The following RBFOX1 variants were observed in gnomAD, a reference collection of about 807,000 sequenced individuals.
RBFOX1 encodes RNA binding protein fox-1 homolog 1.
In RBFOX1, 8 loss-of-function variants were observed where a neutral mutation model predicts 57.7. The ratio of observed to expected loss-of-function variants is 0.14; its 90% CI spans 0.08 to 0.25. The LOEUF (loss-of-function observed/expected upper bound fraction) is 0.25, where lower values mean the gene tolerates loss of function less well. Among genes scored for constraint, RBFOX1 ranks in the 10% least tolerant of loss-of-function variants. The probability of loss-of-function intolerance (pLI) is 1.00; values close to 1 mark genes in which losing one functional copy is unlikely to be tolerated. For missense variants in RBFOX1, 611 were observed against 548.5 expected, an observed-to-expected ratio of 1.11 and a Z score of -1.14; for synonymous variants, 326 against 222.4, an observed-to-expected ratio of 1.47 and a Z score of -4.15.
At chr16:6,134,031 G>T (rs2096648455) in intron 1 of RBFOX1, among the ~76,000 whole-genome samples, 1 of 151,792 alleles carries the variant, frequency 6.6e-6, no homozygotes, top group Non-Finnish European at 1.5e-5. Flanking sequence ...CTGCCTCCTG[G>T]GTTCAAGTGA....
chr16:6,654,119 G>T (rs2098627938), intron 2 of RBFOX1, among the ~76,000 whole-genome samples: 1 of 151,888 alleles, frequency 6.6e-6, no homozygotes, highest in African/African-American at 2.4e-5. Flanking sequence ...TGGATGGATG[G>T]ATGGGTAGAG....
intron 1 of RBFOX1, among the ~76,000 whole-genome samples, chr16:6,085,344 C>T (rs2096068243): frequency 6.6e-6 from 1 of 152,224 alleles, no homozygotes; most frequent in Non-Finnish European, 1.5e-5. Flanking sequence ...ACGATCTTGG[C>T]TCACTGCAAC....
Position 7,699,681 on chromosome 16 carries a change from A to G in RBFOX1, c.996-9375A>G, listed in dbSNP as rs556916865. Among the ~76,000 whole-genome samples the G allele has an allele frequency of 9.2e-5, 14 of 152,342 alleles. No homozygotes were observed. The East Asian group carries it at 2.3e-3, about 25-fold the overall frequency. ...AAATATATCAATAATTGTGAGTTACACATTGTAGTGATGACAGTTTGAATA... is the reference window on the plus strand; with the variant it reads ...AAATATATCAATAATTGTGAGTTACGCATTGTAGTGATGACAGTTTGAATA... On this transcript the variant is annotated intron_variant, in intron 14 of 15. Coordinates refer to ENST00000550418, the MANE Select transcript of RBFOX1 (RefSeq NM_018723.4).
chr16:5,697,551 T>TTTG (rs2050885208), intron 3 of RBFOX1, among the ~76,000 whole-genome samples: 1 of 149,342 alleles, frequency 6.7e-6, no homozygotes. Context: ...TTTTTTTTTT[T>TTTG]GAGATAGAGT....
At chr16:5,619,136 A>G (rs550878423) in intron 3 of RBFOX1, among the ~76,000 whole-genome samples, 1 of 152,226 alleles carries the variant, frequency 6.6e-6, no homozygotes, top group African/African-American at 2.4e-5. Context: ...CCATTTTACA[A>G]GACGTGCAAA....
chr16:6,855,781 G>C (rs1447304234), intron 3 of RBFOX1, among the ~76,000 whole-genome samples: 1 of 148,030 alleles, frequency 6.8e-6, no homozygotes, highest in South Asian at 2.1e-4. Context: ...TCTACCTTTA[G>C]AGGATTTGAG....
At chr16:7,136,782 T>A (rs1048877933) in intron 4 of RBFOX1, among the ~76,000 whole-genome samples, 1 of 152,194 alleles carries the variant, frequency 6.6e-6, no homozygotes, top group Non-Finnish European at 1.5e-5. Context: ...TAGTGGTTAG[T>A]ATTAACCAGG....
chr16:5,606,742 A>C (rs1039857238), intron 3 of RBFOX1, among the ~76,000 whole-genome samples: 5 of 152,178 alleles, frequency 3.3e-5, no homozygotes, highest in Admixed American at 1.3e-4. Flanking sequence ...GGAAGGCTTC[A>C]CAGAGGAGGT....
At chr16:6,510,383 C>A (rs967265052) in intron 2 of RBFOX1, among the ~76,000 whole-genome samples, 1 of 152,128 alleles carries the variant, frequency 6.6e-6, no homozygotes, top group African/African-American at 2.4e-5. Context: ...TCCCAGTTTC[C>A]CGATGCCGTT....
intron 10 of RBFOX1, among the ~76,000 whole-genome samples, chr16:7,626,779 A>G (rs933346196): frequency 3.3e-5 from 5 of 152,248 alleles, no homozygotes; most frequent in Non-Finnish European, 5.9e-5. Context: ...GTTGAAAAAA[A>G]ACACTATTTT....
chr16:6,664,771 G>C (rs1322789842), intron 3 of RBFOX1, among the ~76,000 whole-genome samples: 1 of 152,144 alleles, frequency 6.6e-6, no homozygotes, highest in Non-Finnish European at 1.5e-5. Flanking sequence ...GAAATCCTCA[G>C]CAGTTTTGTT....
chr16:7,524,184 A>T (rs2078153117), intron 5 of RBFOX1, among the ~76,000 whole-genome samples: 1 of 152,226 alleles, frequency 6.6e-6, no homozygotes, highest in Non-Finnish European at 1.5e-5. Context: ...AAGAGAAACC[A>T]GCCATCCATC....
At chr16:6,574,411 G>C (rs1002350959) in intron 2 of RBFOX1, among the ~76,000 whole-genome samples, 1 of 146,190 alleles carries the variant, frequency 6.8e-6, no homozygotes, top group Non-Finnish European at 1.5e-5. Flanking sequence ...AAGGGTTTCT[G>C]TCCGTATCTT....
intron 3 of RBFOX1, among the ~76,000 whole-genome samples, chr16:6,786,351 G>T (rs58288272): frequency 0.16 from 24,726 of 152,064 alleles, 2,839 homozygotes; most frequent in African/African-American, 0.33. Context: ...CCCACAATGA[G>T]GAGAGTCCCT....
At chr16:7,509,538 A>G (rs1345441911) in intron 4 of RBFOX1, among the ~76,000 whole-genome samples, 1 of 152,074 alleles carries the variant, frequency 6.6e-6, no homozygotes, top group Non-Finnish European at 1.5e-5. Context: ...AGAAGCAAAA[A>G]CTAGTGCTTG....
intron 3 of RBFOX1, among the ~76,000 whole-genome samples, chr16:7,025,147 C>A (rs1054534977): frequency 1.3e-5 from 2 of 152,156 alleles, no homozygotes; most frequent in Non-Finnish European, 2.9e-5. Flanking sequence ...CAGAACAGCC[C>A]TGAAGGCTGC....
intron 4 of RBFOX1, among the ~76,000 whole-genome samples, chr16:5,924,511 C>T (rs977257628): frequency 2.0e-5 from 3 of 152,122 alleles, no homozygotes; most frequent in Non-Finnish European, 4.4e-5. Context: ...CTGGCACCTT[C>T]TCCCTCTCTC....
At position 6,966,817 on chromosome 16, in the gene RBFOX1, GTCTA is replaced by G. The variant is rs879564472; in HGVS notation, c.-15-85232_-15-85229del. Among the ~76,000 whole-genome samples the G allele has an allele frequency of 7.7e-3, 1,159 of 150,510 alleles. 7 individuals are homozygous for G. Among genetic ancestry groups the G allele is most frequent in the Non-Finnish European group, 0.011 (732 of 67,644 alleles). On this transcript the variant is annotated intron_variant, in intron 3 of 15. Coordinates refer to ENST00000550418, the MANE Select transcript of RBFOX1 (RefSeq NM_018723.4). ...TGTCTGTCTGTCTGTCTGTCTGTCT[GTCTA>G]TCTATCTGTCTATCTATCTATCCAT...
At chr16:6,661,379 C>T (rs907013373) in intron 3 of RBFOX1, among the ~76,000 whole-genome samples, 16 of 151,980 alleles carry the variant, frequency 1.1e-4, no homozygotes, top group African/African-American at 9.7e-5. Flanking sequence ...ATGTTTATGG[C>T]GAATGCAAGT....
Sources: allele counts gnomAD v4.1 joint callset (sites outside exome capture counted in the v4.1 genomes callset), GRCh38; gene constraint gnomAD v4.1.1; transcripts MANE v1.5; gene names NCBI Gene and HGNC (gene_info 2026-07-23, HGNC 2026-07-21).